The following LAMA3 variants were observed in gnomAD, a reference collection of about 807,000 sequenced individuals.
The protein encoded by LAMA3 is laminin subunit alpha 3.
LAMA3 carries 281 observed loss-of-function variants against 402.0 expected under a neutral mutation model. That is an observed-to-expected ratio of 0.70 (90% CI 0.63 to 0.77). The LOEUF is 0.77. Among genes scored for constraint, LAMA3 ranks in the 30% least tolerant of loss-of-function variants. The pLI is 0.00. For synonymous variants in LAMA3, 1,431 were observed against 1,558.4 expected (o/e 0.92, Z 1.93); for missense variants, 3,840 against 4,215.5 (o/e 0.91, Z 2.47).
intron 67 of LAMA3, among the ~76,000 whole-genome samples, chr18:23,935,310 A>G (rs1420583115): frequency 6.6e-6 from 1 of 152,234 alleles, no homozygotes; most frequent in Non-Finnish European, 1.5e-5. Context: ...TTTGTGGTGT[A>G]TTGAGTGACA....
At chr18:23,899,121 T>C in intron 46 of LAMA3, 56 bp downstream of exon 46, 1 of 1,376,008 alleles carries the variant, frequency 7.3e-7, no homozygotes, top group Non-Finnish European at 1.0e-6. Flanking sequence ...ACCTTCATTG[T>C]ACACTAAAAG....
At chr18:23,837,185 C>T in intron 25 of LAMA3, 96 bp downstream of exon 25, 1 of 779,626 alleles carries the variant, frequency 1.3e-6, no homozygotes, top group South Asian at 1.5e-5. Context: ...TTGTATTACT[C>T]CTATAATCTG....
chr18:23,714,671 C>T (rs1598631510), intron 2 of LAMA3, among the ~76,000 whole-genome samples: 1 of 152,146 alleles, frequency 6.6e-6, no homozygotes, highest in South Asian at 2.1e-4. Flanking sequence ...GTAAAAGAGA[C>T]ACAACATAAA....
chr18:23,705,708 G>A (rs1387440950), intron 1 of LAMA3, among the ~76,000 whole-genome samples: 1 of 152,024 alleles, frequency 6.6e-6, no homozygotes, highest in African/African-American at 2.4e-5. Flanking sequence ...TGTAGAGACG[G>A]GGTTTCACCA....
intron 52 of LAMA3, among the ~76,000 whole-genome samples, chr18:23,905,896 C>G (rs926814891): frequency 6.6e-6 from 1 of 152,138 alleles, no homozygotes; most frequent in African/African-American, 2.4e-5. Context: ...TCCCAAGTAG[C>G]TGAGATTACA....
chr18:23,896,347 GCAAAAACAAAAAA>G (rs2080872006), intron 44 of LAMA3, among the ~76,000 whole-genome samples: 1 of 151,950 alleles, frequency 6.6e-6, no homozygotes, highest in Non-Finnish European at 1.5e-5. Flanking sequence ...AAAAACAAAA[GCAAAAACAAAAAA>G]CAAAAACAAA....
chr18:23,888,070 G>A (rs1394731555), intron 41 of LAMA3, among the ~76,000 whole-genome samples: 1 of 152,170 alleles, frequency 6.6e-6, no homozygotes, highest in Non-Finnish European at 1.5e-5. Context: ...TTTAGATGTA[G>A]GTAAGAAAGA....
chr18:23,862,617 A>T (rs2064249932), intron 35 of LAMA3, among the ~76,000 whole-genome samples: 1 of 151,986 alleles, frequency 6.6e-6, no homozygotes, highest in Non-Finnish European at 1.5e-5. Context: ...CTATGATCCC[A>T]CTTCTCTTTC....
chr18:23,788,801 G>A (rs922491692), intron 12 of LAMA3, among the ~76,000 whole-genome samples: 7 of 151,656 alleles, frequency 4.6e-5, no homozygotes, highest in Admixed American at 2.6e-4. Context: ...TCTTGCACTC[G>A]AAAGGGCACT....
At chr18:23,890,493 A>C (rs1001436122) in intron 42 of LAMA3, among the ~76,000 whole-genome samples, 1 of 152,172 alleles carries the variant, frequency 6.6e-6, no homozygotes, top group Non-Finnish European at 1.5e-5. Context: ...TGTGTGTCTG[A>C]AGAAATTGAA....
At chr18:23,847,329 G>T (rs1164090185) in intron 31 of LAMA3, 135 bp from the exon 32 acceptor site, 2 of 935,784 alleles carry the variant, frequency 2.1e-6, no homozygotes, top group Non-Finnish European at 3.3e-6. Context: ...TTGACTCCAA[G>T]AAATGGGCCT....
chr18:23,789,216 GAT>G (rs1483652586), intron 12 of LAMA3, among the ~76,000 whole-genome samples: 1 of 152,134 alleles, frequency 6.6e-6, no homozygotes, highest in Admixed American at 6.5e-5. Flanking sequence ...CTCATACATT[GAT>G]GGTGGGAATG....
chr18:23,838,387 C>T (rs2063628747), intron 25 of LAMA3, among the ~76,000 whole-genome samples: 1 of 152,142 alleles, frequency 6.6e-6, no homozygotes, highest in Non-Finnish European at 1.5e-5. Context: ...CTTTGAAAAG[C>T]AGGCTCTCTG....
At chr18:23,944,506 A>C (rs1244221611) in intron 69 of LAMA3, among the ~76,000 whole-genome samples, 2 of 152,244 alleles carry the variant, frequency 1.3e-5, no homozygotes, top group Non-Finnish European at 2.9e-5. Context: ...ATAAGCAAAC[A>C]ATCCTCAATG....
intron 4 of LAMA3, 122 bp from the exon 5 acceptor site, chr18:23,750,796 C>G (rs1305588761): frequency 1.0e-6 from 1 of 993,722 alleles, no homozygotes; most frequent in Admixed American, 1.8e-5. Flanking sequence ...AGACCCCCTA[C>G]GAATATCAAA....
At chr18:23,757,608 TGA>T (rs969861245) in intron 6 of LAMA3, among the ~76,000 whole-genome samples, 3 of 151,762 alleles carry the variant, frequency 2.0e-5, no homozygotes, top group Non-Finnish European at 4.4e-5. Flanking sequence ...CGATCTTAGG[TGA>T]GAGAGAGAAG....
intron 3 of LAMA3, among the ~76,000 whole-genome samples, chr18:23,748,688 G>A (rs899676767): frequency 6.6e-6 from 1 of 151,598 alleles, no homozygotes; most frequent in African/African-American, 2.4e-5. Context: ...CCAGCTACTC[G>A]GGAGGCTGAG....
chr18:23,718,446 T>C (rs1345655034), intron 2 of LAMA3, among the ~76,000 whole-genome samples: 1 of 152,222 alleles, frequency 6.6e-6, no homozygotes, highest in East Asian at 1.9e-4. Flanking sequence ...GAGGCTTGTA[T>C]GCAATGTGTA....
At chr18:23,874,777 CTA>C in intron 38 of LAMA3, among the ~76,000 whole-genome samples, 1 of 152,214 alleles carries the variant, frequency 6.6e-6, no homozygotes. Context: ...TGATAAAAGA[CTA>C]TCCTTTATCT....
Sources: gnomAD v4.1 joint callset for allele counts (sites outside exome capture counted in the v4.1 genomes callset) on GRCh38, gnomAD v4.1.1 for gene constraint, MANE v1.5 for transcripts, NCBI Gene and HGNC (gene_info 2026-07-23, HGNC 2026-07-21) for gene names.